Variants in NRG1 observed in about 807,000 individuals in gnomAD.
NRG1 encodes neuregulin 1, also known as pro-neuregulin-1, membrane-bound isoform.
Under a neutral mutation model 63.8 loss-of-function variants are expected in NRG1, and 18 were observed. The observed-to-expected ratio is 0.28, with a 90% confidence interval of 0.19 to 0.42. NRG1 has a LOEUF of 0.42. NRG1 is among the 10% of genes least tolerant of loss of function. The pLI is 1.00. For missense variants in NRG1, 762 were observed against 814.7 expected (o/e 0.94, Z 0.79); for synonymous variants, 302 against 301.3 (o/e 1.00, Z -0.02).
intron 5 of NRG1, among the ~76,000 whole-genome samples, chr8:32,681,838 A>G (rs762596432): frequency 1.6e-4 from 25 of 152,172 alleles, no homozygotes; most frequent in Non-Finnish European, 3.5e-4. Context: ...CATTACACAG[A>G]TATAGGAGGG....
intron 1 of NRG1, among the ~76,000 whole-genome samples, chr8:32,526,153 G>A (rs548696977): frequency 6.6e-6 from 1 of 152,282 alleles, no homozygotes; most frequent in South Asian, 2.1e-4. Flanking sequence ...TCTCTCACAA[G>A]GCTGCAGTGA....
At chr8:31,965,565 A>G (rs954185741) in intron 1 of NRG1, among the ~76,000 whole-genome samples, 1 of 152,162 alleles carries the variant, frequency 6.6e-6, no homozygotes, top group Non-Finnish European at 1.5e-5. Context: ...TTTTGGATAA[A>G]TACCCAGTAG....
intron 1 of NRG1, among the ~76,000 whole-genome samples, chr8:31,687,982 G>T (rs1408910513): frequency 6.6e-6 from 1 of 152,230 alleles, no homozygotes; most frequent in Non-Finnish European, 1.5e-5. Context: ...GGGCCAAGAA[G>T]TTCTTCCTTG....
chr8:31,738,276 T>A (rs773147483), intron 1 of NRG1, among the ~76,000 whole-genome samples: 15 of 151,880 alleles, frequency 9.9e-5, no homozygotes, highest in African/African-American at 3.6e-4. Context: ...GAACAGGAGG[T>A]TGGTACTGTA....
intron 1 of NRG1, among the ~76,000 whole-genome samples, chr8:32,168,139 G>A (rs1839603681): frequency 6.6e-6 from 1 of 152,094 alleles, no homozygotes; most frequent in East Asian, 1.9e-4. Context: ...AGCAATCACA[G>A]CCAGTGATGG....
At chr8:31,965,500 G>A (rs1255365371) in intron 1 of NRG1, among the ~76,000 whole-genome samples, 5 of 152,104 alleles carry the variant, frequency 3.3e-5, no homozygotes, top group Non-Finnish European at 7.3e-5. Context: ...TGGGATTACA[G>A]GTGTGAGCCA....
intron 5 of NRG1, among the ~76,000 whole-genome samples, chr8:32,658,733 A>AGTG (rs1285486745): frequency 6.6e-6 from 1 of 152,164 alleles, no homozygotes; most frequent in Non-Finnish European, 1.5e-5. Context: ...CTTTGCAACC[A>AGTG]GTGTATGTTA....
In NRG1 at chr8:31,973,160, C is replaced by T. The variant is rs989460897; in HGVS notation, c.37+333729C>T. ...TGTATCTGGGATTTTTTCCCAAGTT[C>T]ATATGCTTAAAAATATATACACACT... On this transcript the variant is annotated intron_variant, in intron 1 of 10. Coordinates refer to the NRG1 transcript ENST00000519301. Among the ~76,000 whole-genome samples the T allele has an allele frequency of 3.9e-5, 6 of 152,230 alleles. No individual in the cohort carries two copies. In the South Asian group the frequency reaches 1.2e-3, roughly 32 times the overall value.
intron 1 of NRG1, among the ~76,000 whole-genome samples, chr8:31,836,361 G>A (rs1039540670): frequency 2.8e-4 from 42 of 152,002 alleles, no homozygotes; most frequent in African/African-American, 8.9e-4. Flanking sequence ...ATATATTGAC[G>A]TCTTTACATA....
intron 1 of NRG1, among the ~76,000 whole-genome samples, chr8:32,002,803 C>T (rs1341815842): frequency 6.6e-6 from 1 of 152,090 alleles, no homozygotes; most frequent in African/African-American, 2.4e-5. Context: ...TATATGTAAA[C>T]TTCTGTGTCT....
rs534052220 is a variant in NRG1 at position 32,381,605 on chromosome 8, C to G, written c.38-214223C>G. ...CTAGAAGACTGATAATACTGGGGGA[C>G]CAAATTACCTTTTAAAATTATATTT... On this transcript the variant is annotated intron_variant, in intron 1 of 10. Transcript: ENST00000519301. Among the ~76,000 whole-genome samples the G allele has an allele frequency of 1.4e-4, 22 of 152,098 alleles. No individual in the cohort carries two copies. The Middle Eastern group carries it at 0.01, about 71-fold the overall frequency.
At chr8:31,840,630 ACT>A (rs1441611975) in intron 1 of NRG1, among the ~76,000 whole-genome samples, 1 of 151,934 alleles carries the variant, frequency 6.6e-6, no homozygotes, top group Non-Finnish European at 1.5e-5. Flanking sequence ...GGTTTTTCCA[ACT>A]CTCAGATGGA....
chr8:31,973,673 T>C (rs1304698561), intron 1 of NRG1, among the ~76,000 whole-genome samples: 1 of 152,214 alleles, frequency 6.6e-6, no homozygotes, highest in Non-Finnish European at 1.5e-5. Flanking sequence ...TACAATTTAA[T>C]GTGAAAACAT....
At chr8:32,175,924 T>C (rs1420350539) in intron 1 of NRG1, among the ~76,000 whole-genome samples, 2 of 152,170 alleles carry the variant, frequency 1.3e-5, no homozygotes, top group Non-Finnish European at 2.9e-5. Context: ...AATTTATAGA[T>C]TCAATGCCAT....
At chr8:32,640,762 T>G (rs1444996260) in intron 5 of NRG1, among the ~76,000 whole-genome samples, 1 of 152,118 alleles carries the variant, frequency 6.6e-6, no homozygotes, top group Non-Finnish European at 1.5e-5. Flanking sequence ...TATACTAAAA[T>G]ATTATTTTTC....
chr8:32,132,714 A>G (rs1379374484), intron 1 of NRG1, among the ~76,000 whole-genome samples: 14 of 152,114 alleles, frequency 9.2e-5, no homozygotes, highest in Admixed American at 9.2e-4. Context: ...CTGCTTTGCC[A>G]TTAGCACAAT....
intron 1 of NRG1, among the ~76,000 whole-genome samples, chr8:31,965,898 A>T (rs1806237427): frequency 6.6e-6 from 1 of 152,202 alleles, no homozygotes; most frequent in Non-Finnish European, 1.5e-5. Context: ...TTCATTTATA[A>T]GTGGGAGCTA....
chr8:32,606,159 T>A (rs1240100533), intron 3 of NRG1, among the ~76,000 whole-genome samples: 1 of 148,650 alleles, frequency 6.7e-6, no homozygotes, highest in African/African-American at 2.4e-5. Context: ...ATATATGTAT[T>A]ATGTATGTAT....
intron 1 of NRG1, among the ~76,000 whole-genome samples, chr8:32,253,491 G>A (rs564237735): frequency 1.4e-4 from 22 of 152,124 alleles, no homozygotes; most frequent in South Asian, 4.1e-4. Context: ...GATGGATTAC[G>A]TTTATTGGTT....
Sources: allele counts gnomAD v4.1 joint callset (sites outside exome capture counted in the v4.1 genomes callset), GRCh38; gene constraint gnomAD v4.1.1; transcripts MANE v1.5; gene names NCBI Gene and HGNC (gene_info 2026-07-23, HGNC 2026-07-21).